The following SLC22A23 variants were observed in gnomAD, a reference collection of about 807,000 sequenced individuals.
SLC22A23 encodes the protein solute carrier family 22 member 23.
SLC22A23 carries 26 observed loss-of-function variants against 61.0 expected under a neutral mutation model. The ratio of observed to expected loss-of-function variants is 0.43; its 90% CI spans 0.31 to 0.59. The LOEUF (loss-of-function observed/expected upper bound fraction) is 0.59. Among genes scored for constraint, SLC22A23 ranks in the 20% least tolerant of loss-of-function variants. The pLI is 0.11. For synonymous variants in SLC22A23, 430 were observed against 413.9 expected (o/e 1.04, Z -0.47); for missense variants, 796 against 934.7 (o/e 0.85, Z 1.94).
intron 1 of SLC22A23, among the ~76,000 whole-genome samples, chr6:3,429,433 C>T (rs560212631): frequency 6.6e-6 from 1 of 152,270 alleles, no homozygotes; most frequent in Non-Finnish European, 1.5e-5. Context: ...AAATCACTGC[C>T]CTGCATGTCC....
In SLC22A23 at chr6:3,360,664, C is replaced by G. The variant is rs1177864968; in HGVS notation, c.914-36662G>C. On this transcript the variant is annotated intron_variant, in intron 3 of 9. Coordinates refer to ENST00000406686, the MANE Select transcript of SLC22A23 (RefSeq NM_015482.2). This position sits in a 1 kb window ranked among gnomAD's most constrained non-coding sequence, Gnocchi z 4.6. ...GCTATGCTGACTGCTCATCTAAGCC[C>G]CAGATACTGTCCCAGTTATTTAGGA... Among the ~76,000 whole-genome samples the G allele has an allele frequency of 6.6e-6, 1 of 152,208 alleles. No homozygotes were observed. Among genetic ancestry groups the G allele is most frequent in the African/African-American group, 2.4e-5 (1 of 41,460 alleles).
Position 3,410,707 on chromosome 6 carries a change from A to G in SLC22A23, c.759-365T>C, listed in dbSNP as rs1204757578. 6.6e-6 allele frequency among the ~76,000 whole-genome samples: 1 copy of G among 152,168 alleles called. No individual in the cohort carries two copies. Among genetic ancestry groups the G allele is most frequent in the Non-Finnish European group, 1.5e-5 (1 of 68,026 alleles). On this transcript the variant is annotated intron_variant, in intron 2 of 9. Coordinates refer to ENST00000406686, the MANE Select transcript of SLC22A23 (RefSeq NM_015482.2). This position sits in a 1 kb window ranked among gnomAD's most constrained non-coding sequence, Gnocchi z 5.0. ...GGAACCTTGATACACCCAGCATAAA[A>G]AGTCTTGAGAAATCGTTGACCTTTG...
chr6:3,401,169 C>G (rs946179336), intron 3 of SLC22A23, among the ~76,000 whole-genome samples: 5 of 152,202 alleles, frequency 3.3e-5, no homozygotes, highest in African/African-American at 1.2e-4. Flanking sequence ...TGGCAAAACC[C>G]CGTCTCTACT....
intron 3 of SLC22A23, among the ~76,000 whole-genome samples, chr6:3,347,095 T>C (rs1046902920): frequency 2.0e-5 from 3 of 152,202 alleles, no homozygotes; most frequent in African/African-American, 4.8e-5. Context: ...TATTTTACAT[T>C]ATGTTGCACA....
At chr6:3,434,171 G>A (rs892203385) in intron 1 of SLC22A23, among the ~76,000 whole-genome samples, 2 of 152,052 alleles carry the variant, frequency 1.3e-5, no homozygotes, top group Admixed American at 6.6e-5. Context: ...AAATTAGCCA[G>A]GTGTGGTGGT....
chr6:3,364,038 G>T (rs919671325), intron 3 of SLC22A23, among the ~76,000 whole-genome samples: 3 of 152,228 alleles, frequency 2.0e-5, no homozygotes, highest in African/African-American at 4.8e-5. Context: ...GCTCTGGCAT[G>T]GTCTGACATT....
At position 3,286,594 on chromosome 6, in the gene SLC22A23, T is replaced by A. The variant is rs1760027277; in HGVS notation, c.1546+265A>T. On this transcript the variant is annotated intron_variant, in intron 7 of 9. Coordinates refer to ENST00000406686, the MANE Select transcript of SLC22A23 (RefSeq NM_015482.2). The surrounding 1 kb of genome is among the most constrained non-coding windows in gnomAD (Gnocchi z 4.2). ...GAATCACACAGAAGCAGTCTACCTA[T>A]TAGCAAAGACTGGGCCACCAGGACT... 6.6e-6 allele frequency among the ~76,000 whole-genome samples: 1 copy of A among 152,174 alleles called. No individual in the cohort carries two copies. The highest frequency in any genetic ancestry group is 1.5e-5 in the Non-Finnish European group (1 of 68,028).
intron 4 of SLC22A23, among the ~76,000 whole-genome samples, chr6:3,321,411 C>T (rs1371132551): frequency 7.4e-6 from 1 of 135,210 alleles, no homozygotes; most frequent in Non-Finnish European, 1.6e-5. Flanking sequence ...TACATGCACA[C>T]ACATGCACAC....
At chr6:3,404,165 C>T (rs544262975) in intron 3 of SLC22A23, among the ~76,000 whole-genome samples, 1 of 152,330 alleles carries the variant, frequency 6.6e-6, no homozygotes, top group East Asian at 1.9e-4. Flanking sequence ...TTTTAAAATG[C>T]CCAGATATCT....
At position 3,386,101 on chromosome 6, in the gene SLC22A23, T is replaced by C. The variant is rs1767287142; in HGVS notation, c.913+24087A>G. Among the ~76,000 whole-genome samples, 1 of 152,170 alleles carries C rather than the reference T, an allele frequency of 6.6e-6. No homozygotes were observed. ...TTCCTGTGGTCACTGATGAGGGGAC[T>C]TCAATCGGCTTGAAGAACTCACACC... is the stretch of plus-strand genomic sequence containing the variant. On this transcript the variant is annotated intron_variant, in intron 3 of 9. Transcript: ENST00000406686. This position sits in a 1 kb window ranked among gnomAD's most constrained non-coding sequence, Gnocchi z 4.4.
chr6:3,290,648 G>A (rs1285592430), intron 5 of SLC22A23: 1 of 152,826 alleles, frequency 6.5e-6, no homozygotes, highest in Non-Finnish European at 1.5e-5. Flanking sequence ...CCAGCGCACA[G>A]TGTTACATTC....
chr6:3,352,449 A>C (rs1163945092), intron 3 of SLC22A23, among the ~76,000 whole-genome samples: 1 of 152,104 alleles, frequency 6.6e-6, no homozygotes, highest in Non-Finnish European at 1.5e-5. Context: ...ACAGACACAT[A>C]TTGACCCATT....
intron 9 of SLC22A23, among the ~76,000 whole-genome samples, chr6:3,274,715 C>T (rs958688472): frequency 2.0e-5 from 3 of 152,168 alleles, no homozygotes; most frequent in Non-Finnish European, 4.4e-5. Flanking sequence ...GTGCTAGCAA[C>T]ACCCAAAAAT....
intron 3 of SLC22A23, among the ~76,000 whole-genome samples, chr6:3,408,446 T>C (rs986607047): frequency 3.3e-5 from 5 of 152,226 alleles, no homozygotes; most frequent in Non-Finnish European, 7.3e-5. Flanking sequence ...TCAGGTACAA[T>C]TCACTCCTGG....
chr6:3,361,349 G>A (rs957428831), intron 3 of SLC22A23, among the ~76,000 whole-genome samples: 19 of 146,858 alleles, frequency 1.3e-4, no homozygotes, highest in Admixed American at 8.3e-4. Context: ...GGCCATGACC[G>A]TTCATCCCAC....
chr6:3,283,137 A>AT (rs1413173245), intron 9 of SLC22A23, among the ~76,000 whole-genome samples: 1 of 152,162 alleles, frequency 6.6e-6, no homozygotes, highest in African/African-American at 2.4e-5. Flanking sequence ...TCAGTATGAA[A>AT]TAAGGCTCTT....
intron 1 of SLC22A23, among the ~76,000 whole-genome samples, chr6:3,434,151 T>G (rs1182178086): frequency 6.6e-6 from 1 of 151,838 alleles, no homozygotes; most frequent in Non-Finnish European, 1.5e-5. Context: ...CCATCTCTAC[T>G]AAAAATACAA....
intron 3 of SLC22A23, among the ~76,000 whole-genome samples, chr6:3,380,610 T>C (rs1766895490): frequency 6.6e-6 from 1 of 151,816 alleles, no homozygotes; most frequent in Admixed American, 6.6e-5. Flanking sequence ...AACACTAACA[T>C]CCTTTCATGC....
chr6:3,359,100 C>T (rs1765284866), intron 3 of SLC22A23, among the ~76,000 whole-genome samples: 2 of 152,122 alleles, frequency 1.3e-5, no homozygotes, highest in African/African-American at 4.8e-5. Context: ...TAATTTAGTG[C>T]AATACAGAGA....
Sources: gnomAD v4.1 joint callset for allele counts (sites outside exome capture counted in the v4.1 genomes callset) on GRCh38, gnomAD v4.1.1 for gene constraint, Gnocchi (gnomAD v3.1) non-coding constraint, MANE v1.5 for transcripts, NCBI Gene and HGNC (gene_info 2026-07-23, HGNC 2026-07-21) for gene names.